CYP46A1: variants seen among roughly 807,000 people sequenced by gnomAD.
CYP46A1 encodes the protein cholesterol 24-hydroxylase.
CYP46A1 carries 20 observed loss-of-function variants against 63.3 expected under a neutral mutation model. That is an observed-to-expected ratio of 0.32 (90% CI 0.22 to 0.46). The LOEUF is 0.46. CYP46A1 is among the 20% of genes least tolerant of loss of function. The pLI is 1.00. For synonymous variants in CYP46A1, 268 were observed against 273.6 expected, an observed-to-expected ratio of 0.98 and a Z score of 0.20; for missense variants, 445 against 670.8, an observed-to-expected ratio of 0.66 and a Z score of 3.72.
At chr14:99,726,534 C>A in intron 14 of CYP46A1, 23 bp from the exon 15 acceptor site, 1 of 1,544,962 alleles carries the variant, frequency 6.5e-7, no homozygotes, top group South Asian at 1.2e-5. Flanking sequence ...TCATTCCTTC[C>A]TCATTTTGCC....
chr14:99,700,290 C>T (rs777188904), intron 5 of CYP46A1, among the ~76,000 whole-genome samples, 189 bp downstream of exon 5: 1 of 151,778 alleles, frequency 6.6e-6, no homozygotes, highest in East Asian at 1.9e-4. Flanking sequence ...ACAGGCTGAC[C>T]AAGTGGGGAT....
chr14:99,716,284 ATTTTTTGGGC>A, intron 9 of CYP46A1, 85 bp downstream of exon 9: 1 of 1,478,156 alleles, frequency 6.8e-7, no homozygotes, highest in Admixed American at 1.7e-5. Context: ...ACTCTTTGGG[ATTTTTTGGGC>A]TATCTGAGCA....
intron 5 of CYP46A1, among the ~76,000 whole-genome samples, chr14:99,700,625 G>T (rs1303643326): frequency 6.6e-6 from 1 of 152,188 alleles, no homozygotes; most frequent in African/African-American, 2.4e-5. Context: ...GGTGGTGCTG[G>T]TGTAAACAAA....
rs11845573 is a variant in CYP46A1, at chr14:99,702,083, A to G, written c.443+1982A>G. 8.3e-4 allele frequency among the ~76,000 whole-genome samples: 123 copies of G among 147,786 alleles called. No homozygotes were observed. In the South Asian group the frequency reaches 0.012, roughly 15 times the overall value. ...AGACTCCATCTCAAAAAAAAAAAAA[A>G]AAAAAAAAGGCAGTCATTCCTCATT... On this transcript the variant is annotated intron_variant, in intron 5 of 14. Coordinates refer to ENST00000261835, the MANE Select transcript of CYP46A1 (RefSeq NM_006668.2).
At chr14:99,718,212 A>G in intron 10 of CYP46A1, 86 bp downstream of exon 10, 1 of 1,170,666 alleles carries the variant, frequency 8.5e-7, no homozygotes, top group Non-Finnish European at 1.3e-6. Context: ...CCCATGGTTG[A>G]GTCCCCTCAA....
chr14:99,700,444 T>G (rs1256709036), intron 5 of CYP46A1, among the ~76,000 whole-genome samples: 1 of 152,172 alleles, frequency 6.6e-6, no homozygotes, highest in Non-Finnish European at 1.5e-5. Flanking sequence ...TCATTTGAGT[T>G]TTTATGTTTT....
intron 5 of CYP46A1, 44 bp from the exon 6 acceptor site, chr14:99,706,603 A>T: frequency 6.2e-7 from 1 of 1,608,518 alleles, no homozygotes; most frequent in Non-Finnish European, 8.5e-7. Flanking sequence ...AGTCCACCAT[A>T]TTGGGCTGGC....
At chr14:99,696,784 T>C (rs2056590543) in intron 3 of CYP46A1, among the ~76,000 whole-genome samples, 1 of 152,254 alleles carries the variant, frequency 6.6e-6, no homozygotes, top group Non-Finnish European at 1.5e-5. Context: ...TGATTTTTTA[T>C]TGGATACTGG....
At chr14:99,697,041 G>T (rs1050395169) in intron 3 of CYP46A1, among the ~76,000 whole-genome samples, 1 of 152,162 alleles carries the variant, frequency 6.6e-6, no homozygotes, top group Non-Finnish European at 1.5e-5. Context: ...GTCTATTCTG[G>T]GTAGTGGAAA....
intron 10 of CYP46A1, among the ~76,000 whole-genome samples, chr14:99,720,140 A>G (rs930476009): frequency 7.9e-5 from 12 of 152,234 alleles, no homozygotes; most frequent in Non-Finnish European, 1.8e-4. Context: ...ATATCTGTCC[A>G]TGGGTACCTG....
chr14:99,687,537 C>T (rs1201749630), intron 1 of CYP46A1, among the ~76,000 whole-genome samples: 2 of 152,160 alleles, frequency 1.3e-5, no homozygotes, highest in African/African-American at 4.8e-5. Context: ...CTGGCATGAG[C>T]CACAATCATG....
At chr14:99,716,050 A>G (rs2056786944) in intron 8 of CYP46A1, 87 bp from the exon 9 acceptor site, 7 of 1,610,704 alleles carry the variant, frequency 4.3e-6, no homozygotes, top group South Asian at 1.1e-5. Flanking sequence ...GTTTGGCTTA[A>G]GAGGAGAAAC....
At chr14:99,687,155 C>G (rs80241354) in intron 1 of CYP46A1, among the ~76,000 whole-genome samples, 178 of 152,304 alleles carry the variant, frequency 1.2e-3, no homozygotes, top group African/African-American at 4.3e-3. Context: ...CTTACCACAT[C>G]CTACTGCACC....
chr14:99,722,678 T>TGTGTGTGTGTGC lies in CYP46A1; in HGVS notation c.1176+613_1176+614insTGTGTGTGTGCG, dbSNP rs1491237225. 2.7e-5 allele frequency among the ~76,000 whole-genome samples: 4 copies of TGTGTGTGTGTGC among 150,138 alleles called. No homozygotes were observed. In the South Asian group the frequency reaches 8.4e-4, roughly 31 times the overall value. ...GTGTGTGTGTGTGTGTGTGTGTGTG[T>TGTGTGTGTGTGC]GCCTGTGTGCATTCACGCAGTAATA... is the stretch of plus-strand genomic sequence containing the variant. On this transcript the variant is annotated intron_variant, in intron 12 of 14. Transcript: ENST00000261835. This position sits in a 1 kb window ranked among gnomAD's most constrained non-coding sequence, Gnocchi z 4.6.
At chr14:99,699,976 C>A in intron 4 of CYP46A1, 39 bp from the exon 5 acceptor site, 3 of 527,194 alleles carry the variant, frequency 5.7e-6, no homozygotes, top group South Asian at 2.0e-5. Flanking sequence ...CTCCCCACCC[C>A]CCACCCTCTT....
Position 99,726,711 on chromosome 14 carries a change from C to T in CYP46A1, c.1487C>T (p.Pro496Leu), listed in dbSNP as rs1014735947. 30 of 1,535,210 alleles carry T rather than the reference C, an allele frequency of 2.0e-5. No homozygotes were observed. The African/African-American group carries it at 2.8e-4, about 14-fold the overall frequency. The change falls in exon 15 of 15, where the codon CCA becomes CTA. Residue 496 changes from proline to leucine, a missense_variant. Pro to Leu is a moderately conservative substitution (Grantham distance 98). This residue lies in a region of CYP46A1 where 85 missense variants were observed against 80.1 expected (regional missense o/e 1.06). Coordinates refer to ENST00000261835, the MANE Select transcript of CYP46A1 (RefSeq NM_006668.2). ...CCCCGCGGCTGGCAGCCCGCACCCC[C>T]ACCACCCCCCTGCTGAGGGGGCCTC... The part of the protein sequence containing the change: ...LRPRGWQPAP[P>L]PPPC
chr14:99,715,779 T>C (rs778566073), intron 7 of CYP46A1, 31 bp from the exon 8 acceptor site: 1 of 1,613,982 alleles, frequency 6.2e-7, no homozygotes, highest in East Asian at 2.2e-5. Flanking sequence ...GCGTGTTCAC[T>C]TGGCCATCTG....
intron 6 of CYP46A1, 141 bp from the exon 7 acceptor site, chr14:99,707,427 T>G (rs967467989): frequency 1.6e-5 from 10 of 629,248 alleles, no homozygotes; most frequent in Non-Finnish European, 2.8e-5. Context: ...TTATCATGGG[T>G]CATTGTAAGC....
intron 7 of CYP46A1, chr14:99,708,645 C>G (rs1165855802): frequency 6.4e-6 from 1 of 156,562 alleles, no homozygotes. Flanking sequence ...GCCTGCCCAG[C>G]CCACCACCCA....
Sources: gnomAD v4.1 joint callset for allele counts (sites outside exome capture counted in the v4.1 genomes callset) on GRCh38, gnomAD v4.1.1 for gene constraint, gnomAD v4.1.1 regional missense constraint, Gnocchi (gnomAD v3.1) non-coding constraint, MANE v1.5 for transcripts, NCBI Gene and HGNC (gene_info 2026-07-23, HGNC 2026-07-21) for gene names.